The following RPS29 variants were observed in gnomAD, a reference collection of about 807,000 sequenced individuals.
RPS29 encodes small ribosomal subunit protein uS14.
For missense variants in RPS29, 60 were observed against 75.7 expected (o/e 0.79, Z 0.77); for synonymous variants, 37 against 26.9 (o/e 1.37, Z -1.16).
intron 1 of RPS29, among the ~76,000 whole-genome samples, chr14:49,592,901 C>T (rs893734888): frequency 7.6e-6 from 1 of 132,020 alleles, no homozygotes. Flanking sequence ...AGAGCGAAAC[C>T]GCATCTCAAA....
chr14:49,594,125 C>A (rs1227607790), intron 1 of RPS29, among the ~76,000 whole-genome samples: 2 of 152,078 alleles, frequency 1.3e-5, no homozygotes, highest in Admixed American at 1.3e-4. Context: ...GATAGGATAT[C>A]CCTCTACAAA....
At chr14:49,598,484 C>G (rs1881889874) in exon 1 of RPS29, 1 of 702,398 alleles carries the variant, frequency 1.4e-6, no homozygotes, top group African/African-American at 1.7e-5. Context: ...CCAGGTGTGC[C>G]TCCGGAGAGC....
At chr14:49,588,875 C>CTTT (rs1566484619), upstream of RPS29, among the ~76,000 whole-genome samples, 2 of 108,406 alleles carry the variant, frequency 1.8e-5, no homozygotes, top group Admixed American at 1.0e-4. Flanking sequence ...GTTTCTGAGT[C>CTTT]CTTTTTTTTT....
intron 2 of RPS29, chr14:49,585,195 C>T (rs1881487796): frequency 6.6e-6 from 1 of 151,984 alleles, no homozygotes; most frequent in Admixed American, 6.6e-5. Flanking sequence ...TGGTAAAACC[C>T]CGTCTCTACT....
chr14:49,598,641 C>G (rs2281837), exon 1 of RPS29: 469,489 of 700,764 alleles, frequency 0.67, 165,130 homozygotes, highest in Non-Finnish European at 0.74. Context: ...GACGTGCGCC[C>G]GCAACGCGTA....
intron 1 of RPS29, among the ~76,000 whole-genome samples, chr14:49,594,019 C>G (rs1249897028): frequency 6.6e-6 from 1 of 152,256 alleles, no homozygotes; most frequent in East Asian, 1.9e-4. Context: ...AATAGTGTAC[C>G]TTTACTCTTA....
chr14:49,582,157 GCA>G (rs1235708687), downstream of RPS29, among the ~76,000 whole-genome samples: 1 of 152,048 alleles, frequency 6.6e-6, no homozygotes, highest in Non-Finnish European at 1.5e-5. Flanking sequence ...TCATTGCTGG[GCA>G]CAGTAGTGCA....
chr14:49,586,665 G>A (rs552606765), upstream of RPS29: 7 of 381,402 alleles, frequency 1.8e-5, no homozygotes, highest in East Asian at 1.6e-4. Flanking sequence ...GTTCTGGGCT[G>A]TAGTGCGCTA....
chr14:49,575,625 T>C (rs905619814), exon 3 of RPS29: 11 of 152,128 alleles, frequency 7.2e-5, no homozygotes, highest in African/African-American at 2.4e-5. Context: ...GAAGGGAGGA[T>C]TGCATGAGCC....
chr14:49,591,868 C>A (rs1356664886), intron 1 of RPS29, among the ~76,000 whole-genome samples: 1 of 152,028 alleles, frequency 6.6e-6, no homozygotes, highest in Non-Finnish European at 1.5e-5. Flanking sequence ...GATCCGCCTG[C>A]CTCGGCCTCC....
chr14:49,576,455 C>G (rs1252709550), exon 3 of RPS29: 3 of 151,942 alleles, frequency 2.0e-5, no homozygotes, highest in Non-Finnish European at 2.9e-5. Context: ...TTTATTATAC[C>G]CTTCTTAATC....
chr14:49,582,150 T>C (rs956376610), downstream of RPS29, among the ~76,000 whole-genome samples: 18 of 152,298 alleles, frequency 1.2e-4, no homozygotes, highest in Middle Eastern at 3.4e-3. Flanking sequence ...CTTAAGTTCA[T>C]TGCTGGGCAC....
chr14:49,583,515 A>AG (rs1881406692), downstream of RPS29: 1 of 827,102 alleles, frequency 1.2e-6, no homozygotes, highest in Non-Finnish European at 1.8e-6. Context: ...AAAAAAAAAA[A>AG]GAAAAAGATT....
At chr14:49,594,068 A>G (rs1463871799) in intron 1 of RPS29, among the ~76,000 whole-genome samples, 1 of 152,220 alleles carries the variant, frequency 6.6e-6, no homozygotes, top group Non-Finnish European at 1.5e-5. Context: ...GAATTGAAGT[A>G]AAATATCTAT....
intron 2 of RPS29, chr14:49,585,739 C>CTAAGA: frequency 1.8e-6 from 1 of 560,120 alleles, no homozygotes; most frequent in Admixed American, 3.2e-5. Flanking sequence ...GTAGGAAAGA[C>CTAAGA]TAAGTCCTTC....
intron 1 of RPS29, 115 bp downstream of exon 1, chr14:49,586,170 A>G: frequency 7.2e-7 from 1 of 1,387,288 alleles, no homozygotes; most frequent in Non-Finnish European, 1.0e-6. Flanking sequence ...TGGCGGCACC[A>G]GCGACTCCCA....
chr14:49,583,484 G>T (rs1022108189), downstream of RPS29: 1 of 562,052 alleles, frequency 1.8e-6, no homozygotes, highest in Non-Finnish European at 3.0e-6. Context: ...CCAGCCTGGC[G>T]ACAGAGGGGG....
At chr14:49,576,165 C>T (rs907612630) in exon 3 of RPS29, 5 of 151,550 alleles carry the variant, frequency 3.3e-5, no homozygotes, top group African/African-American at 9.7e-5. Context: ...CTCATTGAAA[C>T]CTGGACCTCT....
intron 1 of RPS29, 57 bp from the exon 2 acceptor site, chr14:49,586,106 C>CA (rs1439247024): frequency 1.3e-6 from 2 of 1,494,962 alleles, no homozygotes; most frequent in African/African-American, 1.4e-5. Flanking sequence ...ACTCCGCACT[C>CA]AGACGGCTAC....
Sources: allele counts gnomAD v4.1 joint callset (sites outside exome capture counted in the v4.1 genomes callset), GRCh38; gene constraint gnomAD v4.1.1; transcripts MANE v1.5; gene names NCBI Gene and HGNC (gene_info 2026-07-23, HGNC 2026-07-21).